The following NIPA2 variants were observed in gnomAD, a reference collection of about 807,000 sequenced individuals.
The protein encoded by NIPA2 is NIPA magnesium transporter 2.
In NIPA2, 11 loss-of-function variants were observed where a neutral mutation model predicts 29.7. The observed-to-expected ratio is 0.37, with a 90% CI of 0.23 to 0.61. NIPA2 has a LOEUF of 0.61. Among genes scored for constraint, NIPA2 ranks in the 20% least tolerant of loss-of-function variants. NIPA2 has a pLI of 0.66. For synonymous variants in NIPA2, 183 were observed against 161.9 expected, an observed-to-expected ratio of 1.13 and a Z score of -0.99; for missense variants, 426 against 437.9, an observed-to-expected ratio of 0.97 and a Z score of 0.24.
intron 3 of NIPA2, among the ~76,000 whole-genome samples, chr15:22,846,840 A>AATT (rs66795943): frequency 0.057 from 7,640 of 134,824 alleles, 303 homozygotes; most frequent in African/African-American, 0.1. Flanking sequence ...TAATAATAAT[A>AATT]ATTATTATTA....
chr15:22,864,632 C>G (rs1404065242), intron 7 of NIPA2, among the ~76,000 whole-genome samples: 3 of 152,220 alleles, frequency 2.0e-5, no homozygotes, highest in African/African-American at 7.2e-5. Context: ...TCTCCCAGAA[C>G]TGGGCAGGAG....
chr15:22,843,723 TCA>T (rs1310010382), intron 2 of NIPA2, among the ~76,000 whole-genome samples: 4 of 151,746 alleles, frequency 2.6e-5, no homozygotes, highest in Non-Finnish European at 5.9e-5. Context: ...CAATCTTGGC[TCA>T]CTGCAACCTC....
At position 22,851,694 on chromosome 15, in the gene NIPA2, C is replaced by T. The variant is rs555779206; in HGVS notation, c.-38C>T. 3.2e-6 allele frequency: 5 copies of T among 1,574,748 alleles called. No homozygotes were observed. Among genetic ancestry groups the T allele is most frequent in the South Asian group, 2.3e-5 (2 of 85,268 alleles). On this transcript the variant is annotated 5_prime_UTR_variant, in exon 4 of 8. Transcript: ENST00000337451. ...ACCAGCGGTTTCTCTGTTCTGTGATCAATGTGATTCACAGGAACTCCTTAA... is the reference window on the plus strand; with the variant it reads ...ACCAGCGGTTTCTCTGTTCTGTGATTAATGTGATTCACAGGAACTCCTTAA...
chr15:22,842,819 A>C (rs1332537276), intron 2 of NIPA2, among the ~76,000 whole-genome samples: 1 of 149,900 alleles, frequency 6.7e-6, no homozygotes, highest in Non-Finnish European at 1.5e-5. Context: ...ATAGAGCGAG[A>C]CTCTGCATCC....
intron 7 of NIPA2, among the ~76,000 whole-genome samples, chr15:22,865,921 C>T (rs1293274141): frequency 6.6e-6 from 1 of 152,058 alleles, no homozygotes; most frequent in Non-Finnish European, 1.5e-5. Flanking sequence ...CTGTTCTGTT[C>T]CCACTGTCCC....
At chr15:22,840,710 G>A (rs192639697) in intron 2 of NIPA2, among the ~76,000 whole-genome samples, 1 of 152,140 alleles carries the variant, frequency 6.6e-6, no homozygotes, top group African/African-American at 2.4e-5. Context: ...GGTTTCCTTA[G>A]CTGTAAAGTG....
chr15:22,860,227 C>T (rs894916554), intron 6 of NIPA2, among the ~76,000 whole-genome samples: 1 of 152,066 alleles, frequency 6.6e-6, no homozygotes. Flanking sequence ...ACCATGTTGG[C>T]CAGGCTGGGC....
At chr15:22,865,359 A>G (rs866085908) in intron 7 of NIPA2, among the ~76,000 whole-genome samples, 8 of 151,620 alleles carry the variant, frequency 5.3e-5, no homozygotes, top group East Asian at 2.0e-4. Context: ...GTTGGCGGGC[A>G]CCTGTAGTCC....
At chr15:22,850,376 T>C (rs1157385564) in intron 3 of NIPA2, among the ~76,000 whole-genome samples, 2 of 152,128 alleles carry the variant, frequency 1.3e-5, no homozygotes, top group East Asian at 1.9e-4. Flanking sequence ...CTCCCTCCCA[T>C]TGGCCAAAGC....
chr15:22,855,290 G>T (rs1474814701), intron 5 of NIPA2, among the ~76,000 whole-genome samples: 2 of 151,940 alleles, frequency 1.3e-5, no homozygotes, highest in Non-Finnish European at 2.9e-5. Context: ...GGTGGTGCAT[G>T]CCTGTAATCC....
chr15:22,850,109 A>G (rs765907299), intron 3 of NIPA2, among the ~76,000 whole-genome samples: 1 of 152,206 alleles, frequency 6.6e-6, no homozygotes, highest in Non-Finnish European at 1.5e-5. Flanking sequence ...TGGTTTTTCA[A>G]AAATCAGGGT....
At chr15:22,846,320 T>TG (rs1251085422) in intron 3 of NIPA2, among the ~76,000 whole-genome samples, 1 of 152,142 alleles carries the variant, frequency 6.6e-6, no homozygotes, top group African/African-American at 2.4e-5. Flanking sequence ...TTTGGCATCT[T>TG]GGGGAGGGAA....
At chr15:22,841,577 C>T (rs1011798640) in intron 2 of NIPA2, among the ~76,000 whole-genome samples, 4 of 152,048 alleles carry the variant, frequency 2.6e-5, no homozygotes, top group African/African-American at 7.2e-5. Flanking sequence ...TGTGCGATCT[C>T]GGCTCACTGC....
At position 22,853,498 on chromosome 15, in the gene NIPA2, C is replaced by T. The variant is rs28489231; in HGVS notation, c.196+230C>T. Among the ~76,000 whole-genome samples, 10,973 of 151,242 alleles carry T rather than the reference C, an allele frequency of 0.073. 741 individuals carry two copies. Among genetic ancestry groups the T allele is most frequent in the African/African-American group, 0.18 (7,391 of 41,104 alleles). Reference sequence around the variant, plus strand: ...AAGCGATTCTCCTGCCTCAGCCTCCCAAGTAGTTGGGATTACAGGCGTGCC... The same window carrying T: ...AAGCGATTCTCCTGCCTCAGCCTCCTAAGTAGTTGGGATTACAGGCGTGCC... On this transcript the variant is annotated intron_variant, in intron 5 of 7. Coordinates refer to ENST00000337451, the MANE Select transcript of NIPA2 (RefSeq NM_030922.7).
At chr15:22,864,240 C>T (rs1478907321) in intron 7 of NIPA2, among the ~76,000 whole-genome samples, 2 of 152,018 alleles carry the variant, frequency 1.3e-5, no homozygotes. Context: ...ACTGCAAGCT[C>T]CCCTCCCGGG....
chr15:22,860,808 T>C lies in NIPA2; in HGVS notation c.448+19T>C, dbSNP rs1465240896. ...GATCCAGGTAAGAAAAAAGTCTTAT[T>C]AGTCTTACTGTATTTTACTTTTTAA... On this transcript the variant is annotated intron_variant, in intron 7 of 7. Coordinates refer to ENST00000337451, the MANE Select transcript of NIPA2 (RefSeq NM_030922.7). The C allele has an allele frequency of 1.3e-6, 2 of 1,561,480 alleles. No homozygotes were observed. The highest frequency in any genetic ancestry group is 4.2e-5 in the Admixed American group (2 of 48,054).
chr15:22,847,090 G>T (rs1898953446), intron 3 of NIPA2, among the ~76,000 whole-genome samples: 1 of 151,584 alleles, frequency 6.6e-6, no homozygotes. Flanking sequence ...ATTTTTAGTA[G>T]AGACAGGGTT....
In NIPA2 at chr15:22,866,431, C is replaced by T. The variant is rs200956050; in HGVS notation, c.667C>T (p.Leu223=). 3.1e-5 allele frequency: 50 copies of T among 1,614,036 alleles called. No individual in the cohort carries two copies. In the Middle Eastern group the frequency reaches 4.9e-4, roughly 16 times the overall value. ...GCATCCCCTGGCTTGGATTCTGCTG[C>T]TGAGCCTCATCGTCTGTGTGAGCAC... The part of the protein sequence containing the change: ...LRHPLAWILL[L]SLIVCVSTQI... Residue 223 remains leucine (L), a synonymous_variant, in exon 8 of 8, where the codon CTG becomes TTG. Coordinates refer to ENST00000337451, the MANE Select transcript of NIPA2 (RefSeq NM_030922.7).
chr15:22,846,422 T>C (rs910894349), intron 3 of NIPA2, among the ~76,000 whole-genome samples: 15 of 152,198 alleles, frequency 9.9e-5, no homozygotes, highest in South Asian at 6.2e-4. Flanking sequence ...TTACACCACA[T>C]GTATGTAACT....
Sources: gnomAD v4.1 joint callset for allele counts (sites outside exome capture counted in the v4.1 genomes callset) on GRCh38, gnomAD v4.1.1 for gene constraint, MANE v1.5 for transcripts, NCBI Gene and HGNC (gene_info 2026-07-23, HGNC 2026-07-21) for gene names.